Variants in SH3KBP1 observed in about 807,000 individuals in gnomAD.
SH3KBP1 encodes SH3 domain containing kinase binding protein 1, also known as SH3 domain-containing kinase-binding protein 1.
A neutral mutation model predicts 50.1 loss-of-function variants in SH3KBP1; 8 were observed. The ratio of observed to expected loss-of-function variants is 0.16; its 90% CI spans 0.09 to 0.29. The LOEUF (loss-of-function observed/expected upper bound fraction) is 0.29, where lower values mean the gene tolerates loss of function less well. SH3KBP1 is among the 10% of genes least tolerant of loss of function. The pLI is 1.00. For missense variants in SH3KBP1, 377 were observed against 535.2 expected, an observed-to-expected ratio of 0.70 and a Z score of 2.92; for synonymous variants, 227 against 218.6, an observed-to-expected ratio of 1.04 and a Z score of -0.34.
At chrX:19,838,475 C>T (rs1311218056) in intron 1 of SH3KBP1, among the ~76,000 whole-genome samples, 3 of 112,486 alleles carry the variant, frequency 2.7e-5, no homozygotes, top group African/African-American at 9.7e-5. Flanking sequence ...CCTGGTACAG[C>T]CTCCTTATGG....
chrX:19,817,440 T>C (rs2067390241), intron 2 of SH3KBP1, among the ~76,000 whole-genome samples: 1 of 111,787 alleles, frequency 8.9e-6, no homozygotes, highest in Non-Finnish European at 1.9e-5. Context: ...ATTTAGATCT[T>C]CTTTGAATAC....
At chrX:19,630,693 A>C (rs2061555976) in intron 8 of SH3KBP1, among the ~76,000 whole-genome samples, 1 of 111,985 alleles carries the variant, frequency 8.9e-6, no homozygotes, top group Admixed American at 9.4e-5. Context: ...TATGGAGTCC[A>C]TGAGAGGACC....
chrX:19,755,277 G>A (rs962136441), intron 2 of SH3KBP1, among the ~76,000 whole-genome samples: 2 of 111,973 alleles, frequency 1.8e-5, no homozygotes, highest in Admixed American at 9.5e-5. Flanking sequence ...GCAGAGGCAG[G>A]AGCATCGCTT....
At chrX:19,696,695 T>C (rs2063423728) in intron 4 of SH3KBP1, among the ~76,000 whole-genome samples, 1 of 111,471 alleles carries the variant, frequency 9.0e-6, no homozygotes, top group Non-Finnish European at 1.9e-5. Flanking sequence ...CCACTAGTAG[T>C]ACAGCAGAAG....
chrX:19,647,949 T>C, intron 6 of SH3KBP1: 1 of 351,115 alleles, frequency 2.8e-6, no homozygotes, highest in Admixed American at 2.7e-5. Flanking sequence ...GACCTAGATG[T>C]GGGAGGGAGT....
chrX:19,606,369 C>T (rs2067244123), intron 9 of SH3KBP1, among the ~76,000 whole-genome samples: 2 of 112,288 alleles, frequency 1.8e-5, no homozygotes, highest in Non-Finnish European at 3.8e-5. Context: ...TAATGTTTGC[C>T]ATCCTTACTC....
At chrX:19,700,669 G>GA (rs779979930) in intron 4 of SH3KBP1, among the ~76,000 whole-genome samples, 2 of 110,425 alleles carry the variant, frequency 1.8e-5, no homozygotes, top group Admixed American at 9.6e-5. Flanking sequence ...TAGAACTGGT[G>GA]AAAAAAAAAT....
chrX:19,880,263 G>C (rs1035153786), intron 1 of SH3KBP1, among the ~76,000 whole-genome samples: 1 of 112,916 alleles, frequency 8.9e-6, no homozygotes, highest in African/African-American at 3.2e-5. Context: ...CTGCCCAGGG[G>C]ACTTTACAGA....
intron 3 of SH3KBP1, among the ~76,000 whole-genome samples, chrX:19,719,976 G>A (rs750180507): frequency 1.8e-5 from 2 of 109,779 alleles, no homozygotes; most frequent in Non-Finnish European, 3.8e-5. Flanking sequence ...GTGGCTCTCT[G>A]CCTCGGTTTT....
chrX:19,866,378 AT>A (rs777618577), intron 1 of SH3KBP1, among the ~76,000 whole-genome samples: 39 of 111,805 alleles, frequency 3.5e-4, no homozygotes, highest in African/African-American at 1.2e-3. Flanking sequence ...GATCATATAA[AT>A]GGGTCTTTTC....
At chrX:19,808,230 T>A (rs865861778) in intron 2 of SH3KBP1, among the ~76,000 whole-genome samples, 1 of 110,806 alleles carries the variant, frequency 9.0e-6, no homozygotes, top group Middle Eastern at 4.6e-3. Context: ...CTTGAAGGTG[T>A]AGGCTTCACA....
chrX:19,802,004 G>A (rs2066906643), intron 2 of SH3KBP1, among the ~76,000 whole-genome samples: 2 of 111,453 alleles, frequency 1.8e-5, no homozygotes, highest in Non-Finnish European at 3.8e-5. Context: ...CTTGAACCCA[G>A]GAGGCAGAGG....
At chrX:19,737,936 G>A (rs1185060558) in intron 3 of SH3KBP1, among the ~76,000 whole-genome samples, 1 of 112,111 alleles carries the variant, frequency 8.9e-6, no homozygotes, top group Non-Finnish European at 1.9e-5. Flanking sequence ...TTTTGACAGC[G>A]CAGGCTTAAG....
At chrX:19,753,544 T>C (rs963532307) in intron 2 of SH3KBP1, among the ~76,000 whole-genome samples, 5 of 110,367 alleles carry the variant, frequency 4.5e-5, no homozygotes, top group African/African-American at 1.7e-4. Context: ...CCCGTGAGTA[T>C]GTTCCCTTCG....
intron 3 of SH3KBP1, among the ~76,000 whole-genome samples, chrX:19,721,641 ACT>A (rs1473130482): frequency 9.0e-6 from 1 of 111,408 alleles, no homozygotes; most frequent in Non-Finnish European, 1.9e-5. Flanking sequence ...GCTTCACCAG[ACT>A]GGCAAACAGG....
chrX:19,826,742 TAACATAACAC>T (rs1297199130), intron 2 of SH3KBP1, among the ~76,000 whole-genome samples: 2 of 102,458 alleles, frequency 2.0e-5, no homozygotes, highest in Admixed American at 2.1e-4. Flanking sequence ...TAACATAACA[TAACATAACAC>T]ACCCAGAAAA....
At chrX:19,855,303 A>G (rs1241429356) in intron 1 of SH3KBP1, among the ~76,000 whole-genome samples, 1 of 111,981 alleles carries the variant, frequency 8.9e-6, no homozygotes, top group East Asian at 2.8e-4. Flanking sequence ...TTTCTTAAAG[A>G]GTCAGATAGT....
intron 9 of SH3KBP1, among the ~76,000 whole-genome samples, chrX:19,605,721 C>T (rs1433244676): frequency 8.9e-6 from 1 of 111,920 alleles, no homozygotes; most frequent in Non-Finnish European, 1.9e-5. Flanking sequence ...GTGCACGCTT[C>T]ACTTTCAATC....
chrX:19,692,667 G>GTA (rs1569422872), intron 5 of SH3KBP1, among the ~76,000 whole-genome samples: 5 of 82,438 alleles, frequency 6.1e-5, no homozygotes, highest in African/African-American at 1.8e-4. Flanking sequence ...GTGTGTGTGT[G>GTA]TGTATGTATA....
Sources: allele counts gnomAD v4.1 joint callset (sites outside exome capture counted in the v4.1 genomes callset), GRCh38; gene constraint gnomAD v4.1.1; transcripts MANE v1.5; gene names NCBI Gene and HGNC (gene_info 2026-07-23, HGNC 2026-07-21).